CTNND2: variants seen among roughly 807,000 people sequenced by gnomAD.
CTNND2 encodes the protein catenin delta-2.
In CTNND2, 22 loss-of-function variants were observed where a neutral mutation model predicts 144.4. The observed-to-expected ratio is 0.15, with a 90% CI of 0.11 to 0.22. The LOEUF (loss-of-function observed/expected upper bound fraction) is 0.22, where lower values mean the gene tolerates loss of function less well. Ranked by LOEUF, CTNND2 falls within the 10% of genes least tolerant of loss-of-function variation. The probability of loss-of-function intolerance (pLI) is 1.00; values close to 1 mark genes in which losing one functional copy is unlikely to be tolerated. For synonymous variants in CTNND2, 751 were observed against 695.6 expected (o/e 1.08, Z -1.25); for missense variants, 1,353 against 1,618.8 (o/e 0.84, Z 2.82).
intron 18 of CTNND2, among the ~76,000 whole-genome samples, chr5:11,006,154 T>C (rs182377035): frequency 5.9e-5 from 9 of 152,236 alleles, no homozygotes; most frequent in East Asian, 5.8e-4. Context: ...GACCAGGGTA[T>C]TGGCAAAAAA....
Position 11,839,951 on chromosome 5 carries a change from C to T in CTNND2, c.37+63866G>A, listed in dbSNP as rs1794372902. Among the ~76,000 whole-genome samples, 5 of 152,242 alleles carry T rather than the reference C, an allele frequency of 3.3e-5. No individual in the cohort carries two copies. In the South Asian group the frequency reaches 1.0e-3, roughly 32 times the overall value. On this transcript the variant is annotated intron_variant, in intron 1 of 21. Coordinates refer to ENST00000304623, the MANE Select transcript of CTNND2 (RefSeq NM_001332.4). ...TAAACTTATGGATATGTTTTAAAACCACCATAAAGAGACATCTTAAATGTT... is the reference window on the plus strand; with the variant it reads ...TAAACTTATGGATATGTTTTAAAACTACCATAAAGAGACATCTTAAATGTT...
intron 1 of CTNND2, among the ~76,000 whole-genome samples, chr5:11,896,092 T>G (rs970807786): frequency 1.3e-5 from 2 of 152,036 alleles, no homozygotes; most frequent in Admixed American, 6.6e-5. Context: ...TAATCTAGAG[T>G]AAATAACCTG....
At chr5:11,627,116 G>A (rs1458691164) in intron 2 of CTNND2, among the ~76,000 whole-genome samples, 1 of 151,952 alleles carries the variant, frequency 6.6e-6, no homozygotes, top group Non-Finnish European at 1.5e-5. Context: ...CCATAAGACA[G>A]CTCTTTTGCC....
intron 11 of CTNND2, among the ~76,000 whole-genome samples, chr5:11,198,207 A>G (rs1158512599): frequency 6.6e-6 from 1 of 152,110 alleles, no homozygotes; most frequent in African/African-American, 2.4e-5. Flanking sequence ...AAGTACTTTT[A>G]CTTTCCCTGA....
intron 18 of CTNND2, among the ~76,000 whole-genome samples, chr5:10,994,210 C>A (rs1739026524): frequency 7.6e-6 from 1 of 130,960 alleles, no homozygotes; most frequent in Non-Finnish European, 1.6e-5. Context: ...AAAAACCAAG[C>A]CGGATTAGGG....
At chr5:11,588,804 C>T (rs1218800773) in intron 2 of CTNND2, 1 of 985,166 alleles carries the variant, frequency 1.0e-6, no homozygotes, top group African/African-American at 1.7e-5. Context: ...AACAAGACGA[C>T]TAGTCCCAAA....
At chr5:11,737,239 T>C (rs1004649578) in intron 1 of CTNND2, among the ~76,000 whole-genome samples, 5 of 152,222 alleles carry the variant, frequency 3.3e-5, no homozygotes, top group African/African-American at 4.8e-5. Flanking sequence ...ATCTCCATTA[T>C]CCTCTCAGGC....
At chr5:11,594,908 T>G (rs538833989) in intron 2 of CTNND2, among the ~76,000 whole-genome samples, 1 of 152,334 alleles carries the variant, frequency 6.6e-6, no homozygotes, top group African/African-American at 2.4e-5. Flanking sequence ...TTAAAAGACA[T>G]GACTCCTGAA....
intron 9 of CTNND2, among the ~76,000 whole-genome samples, chr5:11,260,991 G>A (rs1254495641): frequency 6.6e-6 from 1 of 152,086 alleles, no homozygotes; most frequent in Non-Finnish European, 1.5e-5. Flanking sequence ...TGTCGAATTG[G>A]CTCACACATC....
chr5:10,980,305 C>T (rs1561113342), intron 21 of CTNND2, among the ~76,000 whole-genome samples: 1 of 152,172 alleles, frequency 6.6e-6, no homozygotes, highest in Non-Finnish European at 1.5e-5. Context: ...AAATGCTCTT[C>T]ATCACTGGCC....
chr5:11,407,989 G>C (rs1761224501), intron 5 of CTNND2, among the ~76,000 whole-genome samples: 2 of 152,068 alleles, frequency 1.3e-5, no homozygotes, highest in Non-Finnish European at 2.9e-5. Context: ...TTGGCCAATG[G>C]GAGGCAGGAG....
chr5:11,277,268 C>T (rs1027625237), intron 9 of CTNND2, among the ~76,000 whole-genome samples: 8 of 152,030 alleles, frequency 5.3e-5, no homozygotes, highest in Non-Finnish European at 1.2e-4. Context: ...GCTTTTGAAA[C>T]TCTCCCTTTT....
intron 1 of CTNND2, among the ~76,000 whole-genome samples, chr5:11,821,048 T>C (rs1793280597): frequency 6.6e-6 from 1 of 152,326 alleles, no homozygotes; most frequent in Middle Eastern, 3.4e-3. Context: ...TTAATTCACA[T>C]TGATTTTTTG....
chr5:11,693,634 T>C (rs1380492483), intron 2 of CTNND2, among the ~76,000 whole-genome samples: 1 of 152,234 alleles, frequency 6.6e-6, no homozygotes, highest in Non-Finnish European at 1.5e-5. Flanking sequence ...TTGTGTCTTT[T>C]GATCACTGGT....
intron 5 of CTNND2, among the ~76,000 whole-genome samples, chr5:11,409,464 T>C (rs1414041641): frequency 2.0e-5 from 3 of 152,130 alleles, no homozygotes; most frequent in African/African-American, 7.2e-5. Context: ...GGCTTTCCCT[T>C]CTAGCATTCT....
chr5:11,617,822 G>C (rs1780650320), intron 2 of CTNND2, among the ~76,000 whole-genome samples: 3 of 152,170 alleles, frequency 2.0e-5, no homozygotes, highest in Admixed American at 2.0e-4. Context: ...AGAAAGGGAA[G>C]GGAATACAGA....
chr5:11,600,540 T>C (rs897332230), intron 2 of CTNND2, among the ~76,000 whole-genome samples: 3 of 151,720 alleles, frequency 2.0e-5, no homozygotes, highest in African/African-American at 4.8e-5. Flanking sequence ...ACCCCATCTC[T>C]ACTAAAAATA....
chr5:11,722,617 C>G (rs999416843), intron 2 of CTNND2, among the ~76,000 whole-genome samples: 3 of 152,264 alleles, frequency 2.0e-5, no homozygotes, highest in East Asian at 3.9e-4. Flanking sequence ...GAAGGGGAAG[C>G]AAACATGTCC....
intron 9 of CTNND2, among the ~76,000 whole-genome samples, chr5:11,298,696 A>G (rs1379059008): frequency 6.6e-6 from 1 of 152,208 alleles, no homozygotes; most frequent in Non-Finnish European, 1.5e-5. Context: ...TAAATGGTTC[A>G]TGCACTGCCT....
Sources: allele counts gnomAD v4.1 joint callset (sites outside exome capture counted in the v4.1 genomes callset), GRCh38; gene constraint gnomAD v4.1.1; transcripts MANE v1.5; gene names NCBI Gene and HGNC (gene_info 2026-07-23, HGNC 2026-07-21).